The following SYNPR variants were observed in gnomAD, a reference collection of about 807,000 sequenced individuals.
SYNPR encodes the protein synaptoporin.
SYNPR carries 23 observed loss-of-function variants against 32.9 expected under a neutral mutation model. That is an observed-to-expected ratio of 0.70 (90% CI 0.50 to 0.99). SYNPR has a LOEUF of 0.99. Among genes scored for constraint, SYNPR ranks in the 50% least tolerant of loss-of-function variants. SYNPR has a pLI of 0.00. For missense variants in SYNPR, 318 were observed against 349.3 expected (o/e 0.91, Z 0.71); for synonymous variants, 146 against 135.9 (o/e 1.07, Z -0.52).
intron 3 of SYNPR, among the ~76,000 whole-genome samples, chr3:63,547,580 A>G (rs1702430374): frequency 6.6e-6 from 1 of 152,110 alleles, no homozygotes; most frequent in Non-Finnish European, 1.5e-5. Context: ...CAATGGAACA[A>G]TGGCCGCAGT....
intron 2 of SYNPR, among the ~76,000 whole-genome samples, chr3:63,414,497 A>G (rs2088513469): frequency 6.6e-6 from 1 of 152,222 alleles, no homozygotes; most frequent in Non-Finnish European, 1.5e-5. Context: ...GATGTCAACA[A>G]TGCTGCAACA....
intron 4 of SYNPR, among the ~76,000 whole-genome samples, chr3:63,588,827 C>T (rs1161230260): frequency 2.6e-5 from 4 of 152,028 alleles, no homozygotes; most frequent in African/African-American, 9.7e-5. Flanking sequence ...AACTGATCCA[C>T]CCCAAACCTC....
intron 2 of SYNPR, among the ~76,000 whole-genome samples, chr3:63,336,765 T>G (rs542131065): frequency 6.6e-6 from 1 of 152,154 alleles, no homozygotes; most frequent in African/African-American, 2.4e-5. Flanking sequence ...TCATTAAAAT[T>G]AAAAACTTCT....
intron 2 of SYNPR, among the ~76,000 whole-genome samples, chr3:63,373,220 C>G (rs1381501516): frequency 6.6e-6 from 1 of 152,076 alleles, no homozygotes; most frequent in African/African-American, 2.4e-5. Flanking sequence ...GGGTACTTAG[C>G]CAGGCTGAAA....
chr3:63,477,157 T>C (rs1309662700), intron 2 of SYNPR, among the ~76,000 whole-genome samples: 1 of 152,034 alleles, frequency 6.6e-6, no homozygotes, highest in Non-Finnish European at 1.5e-5. Flanking sequence ...AGTGGGAAGA[T>C]TTCTGAAGTC....
At chr3:63,548,134 C>A (rs982427999) in intron 3 of SYNPR, among the ~76,000 whole-genome samples, 1 of 152,170 alleles carries the variant, frequency 6.6e-6, no homozygotes, top group Non-Finnish European at 1.5e-5. Flanking sequence ...CCATCTGTTT[C>A]TAATGACTGG....
intron 2 of SYNPR, among the ~76,000 whole-genome samples, chr3:63,443,930 G>A (rs1373272447): frequency 6.6e-6 from 1 of 152,134 alleles, no homozygotes; most frequent in Non-Finnish European, 1.5e-5. Flanking sequence ...TGTGCTGAAA[G>A]GTGCTAGTTT....
rs1700161697 is a variant in SYNPR, at chr3:63,609,106, T to C, written c.409-19T>C. 1 of 1,579,914 alleles carries C rather than the reference T, an allele frequency of 6.3e-7. No homozygotes were observed. Among genetic ancestry groups the C allele is most frequent in the South Asian group, 1.2e-5 (1 of 83,596 alleles). On this transcript the variant is annotated intron_variant, in intron 4 of 5. Coordinates refer to ENST00000478300, the MANE Select transcript of SYNPR (RefSeq NM_001130003.2). ...TCACATTTTCTTTTACCATTTTCTATTCTGATTTGTTTCTGTAGGACTTCA... is the reference window on the plus strand; with the variant it reads ...TCACATTTTCTTTTACCATTTTCTACTCTGATTTGTTTCTGTAGGACTTCA...
chr3:63,359,897 G>A (rs999120108), intron 2 of SYNPR, among the ~76,000 whole-genome samples: 1 of 152,084 alleles, frequency 6.6e-6, no homozygotes, highest in Non-Finnish European at 1.5e-5. Context: ...TGAAGTTATG[G>A]GTAGCTTGCA....
At chr3:63,277,440 C>G (rs559737931), upstream of SYNPR, among the ~76,000 whole-genome samples, 1 of 152,078 alleles carries the variant, frequency 6.6e-6, no homozygotes, top group African/African-American at 2.4e-5. Flanking sequence ...AACAGTCTAA[C>G]TTTGGAGGAG....
upstream of SYNPR, among the ~76,000 whole-genome samples, chr3:63,275,198 T>A (rs1269729334): frequency 1.3e-5 from 2 of 152,234 alleles, no homozygotes; most frequent in Admixed American, 6.5e-5. Flanking sequence ...AGTAATATTG[T>A]GGCAGTGTTT....
intron 1 of SYNPR, among the ~76,000 whole-genome samples, chr3:63,243,211 G>A (rs1419080465): frequency 6.6e-6 from 1 of 151,870 alleles, no homozygotes; most frequent in Non-Finnish European, 1.5e-5. Flanking sequence ...TAAGATTCAA[G>A]GAGCACCCTA....
chr3:63,375,409 A>G (rs2087874916), intron 2 of SYNPR, among the ~76,000 whole-genome samples: 1 of 152,200 alleles, frequency 6.6e-6, no homozygotes, highest in Admixed American at 6.5e-5. Context: ...GGATGAGTTC[A>G]TGTCCTTTGC....
chr3:63,445,318 C>A (rs912610738), intron 2 of SYNPR, among the ~76,000 whole-genome samples: 5 of 152,114 alleles, frequency 3.3e-5, no homozygotes, highest in Admixed American at 6.5e-5. Context: ...CTCAGGCCCA[C>A]AAAGGAAGAA....
the SYNPR span, among the ~76,000 whole-genome samples, chr3:63,206,206 T>C: frequency 3.3e-5 from 5 of 152,192 alleles, no homozygotes; most frequent in African/African-American, 7.2e-5. Context: ...TGGGGGATTC[T>C]TAGGTGCCCT....
Position 63,579,112 on chromosome 3 carries a change from C to T in SYNPR, c.408+22371C>T, listed in dbSNP as rs1042942341. ...TTTCCTACTGGTTTTCTCCTTCCCT[C>T]AAATCCAATTTCCATGGGGCAATAT... On this transcript the variant is annotated intron_variant, in intron 4 of 5. Transcript: ENST00000478300. Among the ~76,000 whole-genome samples, 5 of 152,262 alleles carry T rather than the reference C, an allele frequency of 3.3e-5. 1 individual carries two copies. Among genetic ancestry groups the T allele is most frequent in the Middle Eastern group, 6.8e-3 (2 of 294 alleles).
At chr3:63,250,915 T>C (rs2086325924) in intron 1 of SYNPR, among the ~76,000 whole-genome samples, 2 of 151,902 alleles carry the variant, frequency 1.3e-5, no homozygotes, top group East Asian at 1.9e-4. Context: ...GGCTGTTTTC[T>C]TTTTTTTAGC....
intron 2 of SYNPR, chr3:63,443,110 A>G: frequency 9.0e-7 from 1 of 1,105,666 alleles, no homozygotes; most frequent in Non-Finnish European, 1.1e-6. Context: ...GTGAGCCAAG[A>G]GCCAAGTGTG....
intron 2 of SYNPR, chr3:63,443,380 T>G (rs370557667): frequency 2.0e-5 from 32 of 1,573,372 alleles, no homozygotes; most frequent in Non-Finnish European, 2.7e-5. Flanking sequence ...GAAGCTTTAT[T>G]TTTAGTATGA....
Sources: gnomAD v4.1 joint callset for allele counts (sites outside exome capture counted in the v4.1 genomes callset) on GRCh38, gnomAD v4.1.1 for gene constraint, MANE v1.5 for transcripts, NCBI Gene and HGNC (gene_info 2026-07-23, HGNC 2026-07-21) for gene names.